Variants in SPMIP2 observed in about 807,000 individuals in gnomAD.
SPMIP2 encodes the protein sperm microtubule inner protein 2.
the SPMIP2 span, among the ~76,000 whole-genome samples, chr4:159,009,895 C>T: frequency 6.6e-6 from 1 of 152,006 alleles, no homozygotes; most frequent in Non-Finnish European, 1.5e-5. Flanking sequence ...CTGAGGTGGG[C>T]GGATCACTTG....
the SPMIP2 span, among the ~76,000 whole-genome samples, chr4:158,898,374 G>A: frequency 0.55 from 83,482 of 151,958 alleles, 23,885 homozygotes; most frequent in East Asian, 0.88. Flanking sequence ...GTTCTGTGAA[G>A]AACATCCATG....
chr4:158,996,898 G>A, the SPMIP2 span, among the ~76,000 whole-genome samples: 1 of 152,194 alleles, frequency 6.6e-6, no homozygotes, highest in Non-Finnish European at 1.5e-5. Context: ...AAGGGAACTG[G>A]AATTTCGATG....
chr4:159,046,852 C>T, the SPMIP2 span, among the ~76,000 whole-genome samples: 3 of 152,252 alleles, frequency 2.0e-5, no homozygotes, highest in Non-Finnish European at 4.4e-5. Context: ...GGATTACAGG[C>T]GTGAGCAACT....
chr4:159,009,212 G>T, the SPMIP2 span, among the ~76,000 whole-genome samples: 15 of 152,190 alleles, frequency 9.9e-5, no homozygotes, highest in Non-Finnish European at 2.2e-4. Context: ...TTCTCATACA[G>T]TGTTCATTCA....
chr4:159,017,350 A>AACACACAC, the SPMIP2 span, among the ~76,000 whole-genome samples: 5 of 51,422 alleles, frequency 9.7e-5, no homozygotes, highest in Non-Finnish European at 1.7e-4. Context: ...CACAAACACA[A>AACACACAC]ACACATACAC....
the SPMIP2 span, among the ~76,000 whole-genome samples, chr4:159,061,430 A>C: frequency 6.6e-6 from 1 of 152,012 alleles, no homozygotes; most frequent in African/African-American, 2.4e-5. Context: ...ACACTGGTTC[A>C]TGGTGGGTGG....
chr4:158,919,996 G>A, the SPMIP2 span, among the ~76,000 whole-genome samples: 1 of 152,174 alleles, frequency 6.6e-6, no homozygotes, highest in South Asian at 2.1e-4. Flanking sequence ...GGTGTTGCAG[G>A]GGTTCTAATC....
the SPMIP2 span, among the ~76,000 whole-genome samples, chr4:158,957,704 C>A: frequency 6.6e-6 from 1 of 152,274 alleles, no homozygotes; most frequent in East Asian, 1.9e-4. Context: ...GGATTACAGG[C>A]GTGAGCCACT....
chr4:159,063,296 C>T, the SPMIP2 span, among the ~76,000 whole-genome samples: 2 of 152,128 alleles, frequency 1.3e-5, no homozygotes, highest in African/African-American at 2.4e-5. Context: ...TGGTGGCTCA[C>T]GCCTGTAATC....
chr4:158,953,355 T>C, the SPMIP2 span, among the ~76,000 whole-genome samples: 6 of 152,344 alleles, frequency 3.9e-5, no homozygotes, highest in South Asian at 1.2e-3. Flanking sequence ...GCCCCAAGCC[T>C]TGGCAGCTTC....
At chr4:158,986,811 C>T in the SPMIP2 span, among the ~76,000 whole-genome samples, 4 of 150,926 alleles carry the variant, frequency 2.7e-5, no homozygotes, top group African/African-American at 4.9e-5. Flanking sequence ...AGCTTCTGCA[C>T]AGCAAAAGAA....
At chr4:159,053,612 A>G in the SPMIP2 span, among the ~76,000 whole-genome samples, 2 of 152,098 alleles carry the variant, frequency 1.3e-5, no homozygotes, top group African/African-American at 4.8e-5. Context: ...CCACCCCATC[A>G]TTTTAAGTCA....
At chr4:158,983,031 C>T in the SPMIP2 span, among the ~76,000 whole-genome samples, 4 of 152,002 alleles carry the variant, frequency 2.6e-5, no homozygotes, top group South Asian at 4.2e-4. Context: ...CCTCAGGAGC[C>T]GATGCGATCA....
chr4:158,933,126 C>A, the SPMIP2 span, among the ~76,000 whole-genome samples: 1 of 152,200 alleles, frequency 6.6e-6, no homozygotes, highest in South Asian at 2.1e-4. Context: ...GCCTCAGCCT[C>A]CCAAGTAGCT....
At chr4:158,908,352 C>T in the SPMIP2 span, among the ~76,000 whole-genome samples, 2 of 151,966 alleles carry the variant, frequency 1.3e-5, no homozygotes, top group African/African-American at 4.8e-5. Context: ...ATTTATATGG[C>T]TAAAAAAGCC....
the SPMIP2 span, among the ~76,000 whole-genome samples, chr4:158,962,814 A>G: frequency 6.6e-6 from 1 of 152,190 alleles, no homozygotes; most frequent in Admixed American, 6.5e-5. Context: ...ATTCTTTCTG[A>G]AAAATGTTGG....
the SPMIP2 span, among the ~76,000 whole-genome samples, chr4:159,066,506 A>ATG: frequency 1.9e-3 from 288 of 151,302 alleles, 1 homozygote; most frequent in African/African-American, 6.8e-3. Flanking sequence ...GAATGTATGT[A>ATG]TGTGTGTGTG....
chr4:158,967,162 T>C, the SPMIP2 span, among the ~76,000 whole-genome samples: 1 of 152,262 alleles, frequency 6.6e-6, no homozygotes, highest in East Asian at 1.9e-4. Context: ...TAAAATTTTA[T>C]AAGGAAATTG....
the SPMIP2 span, among the ~76,000 whole-genome samples, chr4:159,010,516 CTT>C: frequency 2.0e-4 from 30 of 152,174 alleles, no homozygotes; most frequent in Non-Finnish European, 4.0e-4. Context: ...ACTTTAGGCT[CTT>C]TTGCAAATTA....
Sources: gnomAD v4.1 joint callset for allele counts (sites outside exome capture counted in the v4.1 genomes callset) on GRCh38, gnomAD v4.1.1 for gene constraint, MANE v1.5 for transcripts, NCBI Gene and HGNC (gene_info 2026-07-23, HGNC 2026-07-21) for gene names.